CD96: variants seen among roughly 807,000 people sequenced by gnomAD.
CD96 encodes CD96 molecule, also known as T-cell surface protein tactile.
Under a neutral mutation model 71.3 loss-of-function variants are expected in CD96, and 70 were observed. That is an observed-to-expected ratio of 0.98 (90% CI 0.81 to 1.20). The LOEUF is 1.20. CD96 is among the 50% of genes most tolerant of loss of function. The pLI is 0.00. For missense variants in CD96, 742 were observed against 677.5 expected (o/e 1.10, Z -1.06); for synonymous variants, 248 against 233.0 (o/e 1.06, Z -0.59).
chr3:111,602,531 T>G (rs17202782), intron 7 of CD96, among the ~76,000 whole-genome samples: 4,865 of 152,306 alleles, frequency 0.032, 120 homozygotes, highest in South Asian at 0.081. Context: ...CTCAAAATTA[T>G]AGCTTACATT....
At chr3:111,622,564 AT>A (rs1209577651) in intron 8 of CD96, among the ~76,000 whole-genome samples, 7 of 152,194 alleles carry the variant, frequency 4.6e-5, no homozygotes, top group Non-Finnish European at 8.8e-5. Flanking sequence ...TATTCATTTG[AT>A]TTGATTGCCC....
In CD96 at chr3:111,600,767, T is replaced by G; in HGVS notation, c.940T>G (p.Phe314Val). The G allele has an allele frequency of 6.2e-7, 1 of 1,613,350 alleles. No individual in the cohort carries two copies. Among genetic ancestry groups the G allele is most frequent in the South Asian group, 1.1e-5 (1 of 91,072 alleles). Residue 314 changes from phenylalanine (F) to valine (V), a missense_variant, in exon 7 of 14, where the codon TTT (phenylalanine) becomes GTT (valine). Phe to Val is a conservative substitution (Grantham distance 50). Coordinates refer to ENST00000352690, the MANE Select transcript of CD96 (RefSeq NM_005816.5). The part of the protein sequence containing the change: ...TNEERKGKDG[F>V]LELKSVLTRV... The stretch of plus-strand genomic sequence containing the variant: ...TGAAGAGAGAAAAGGCAAAGATGGA[T>G]TTTTGGAACTGAAGTCTGTTTTAAC...
chr3:111,557,522 G>T (rs1935130025), intron 2 of CD96, among the ~76,000 whole-genome samples: 1 of 129,254 alleles, frequency 7.7e-6, no homozygotes, highest in Non-Finnish European at 1.6e-5. Flanking sequence ...TTGTAGGTAT[G>T]CGGCGTTAAT....
Position 111,559,163 on chromosome 3 carries a change from T to C in CD96, c.419-8360T>C, listed in dbSNP as rs1935248245. 2.6e-5 allele frequency among the ~76,000 whole-genome samples: 4 copies of C among 150,960 alleles called. No homozygotes were observed. In the South Asian group the frequency reaches 8.6e-4, roughly 32 times the overall value. ...TTGATCCTTTCAAAAAACCAGCTCC[T>C]GGATTCATTGATTTTTTGAATGGTT... On this transcript the variant is annotated intron_variant, in intron 2 of 13. Transcript: ENST00000352690.
At chr3:111,564,114 C>A (rs775109429) in intron 2 of CD96, among the ~76,000 whole-genome samples, 11 of 152,090 alleles carry the variant, frequency 7.2e-5, no homozygotes, top group Non-Finnish European at 1.5e-4. Flanking sequence ...TTAAAGTTGT[C>A]CATTCTGGGT....
intron 8 of CD96, among the ~76,000 whole-genome samples, chr3:111,620,877 C>T (rs191703617): frequency 1.3e-5 from 2 of 152,178 alleles, no homozygotes; most frequent in African/African-American, 4.8e-5. Flanking sequence ...TAGGTAGAAT[C>T]AAATGAGTGA....
At chr3:111,548,315 GC>G (rs1364092653) in intron 2 of CD96, among the ~76,000 whole-genome samples, 2 of 152,124 alleles carry the variant, frequency 1.3e-5, no homozygotes, top group Non-Finnish European at 2.9e-5. Flanking sequence ...TTCCCCAAGG[GC>G]CTAGCTGTGA....
chr3:111,567,505 C>A lies in CD96; in HGVS notation c.419-18C>A, dbSNP rs1247424908. 1.2e-6 allele frequency: 2 copies of A among 1,600,412 alleles called. No individual in the cohort carries two copies. Among genetic ancestry groups the A allele is most frequent in the African/African-American group, 2.7e-5 (2 of 74,610 alleles). ...CAATCAGAGATTCACATATTTTCTA[C>A]CTTATGTTTTGTTACAGTTACAGCA... is the stretch of plus-strand genomic sequence containing the variant. On this transcript the variant is annotated intron_variant, in intron 2 of 13. Transcript: ENST00000352690.
At chr3:111,601,817 G>A (rs1176796564) in intron 7 of CD96, among the ~76,000 whole-genome samples, 3 of 152,140 alleles carry the variant, frequency 2.0e-5, no homozygotes, top group South Asian at 2.1e-4. Context: ...GGCACAACCC[G>A]CATCTTGGGT....
chr3:111,602,874 G>C lies in CD96; in HGVS notation c.1087+1960G>C, dbSNP rs192840356. 4.3e-4 allele frequency among the ~76,000 whole-genome samples: 65 copies of C among 152,336 alleles called. 1 individual carries two copies. In the East Asian group the frequency reaches 0.012, roughly 27 times the overall value. On this transcript the variant is annotated intron_variant, in intron 7 of 13. Coordinates refer to ENST00000352690, the MANE Select transcript of CD96 (RefSeq NM_005816.5). ...ACACATCAGGAAAGAGTTTTAGTGA[G>C]ACAAGGGGAGAAGTTTTGCTCTCTT...
At chr3:111,606,155 G>C (rs1205328295) in intron 7 of CD96, among the ~76,000 whole-genome samples, 1 of 152,020 alleles carries the variant, frequency 6.6e-6, no homozygotes, top group African/African-American at 2.4e-5. Flanking sequence ...AAAAGTTGTA[G>C]CCAAACAAAA....
intron 6 of CD96, among the ~76,000 whole-genome samples, chr3:111,600,020 A>G (rs946145557): frequency 2.0e-5 from 3 of 152,264 alleles, no homozygotes; most frequent in Non-Finnish European, 4.4e-5. Context: ...AGTTTAAAAC[A>G]GAGTTTGATT....
At chr3:111,653,734 A>G (rs1010958531), downstream of CD96, among the ~76,000 whole-genome samples, 2 of 152,180 alleles carry the variant, frequency 1.3e-5, no homozygotes, top group African/African-American at 4.8e-5. Context: ...ACTATAGACA[A>G]GAGCTGCTGC....
At chr3:111,591,406 C>A (rs1304021408) in intron 5 of CD96, among the ~76,000 whole-genome samples, 1 of 143,200 alleles carries the variant, frequency 7.0e-6, no homozygotes, top group Non-Finnish European at 1.5e-5. Context: ...GACACCAGAA[C>A]CTAAATACCA....
intron 7 of CD96, among the ~76,000 whole-genome samples, chr3:111,601,660 G>A (rs916974616): frequency 8.5e-5 from 13 of 152,090 alleles, no homozygotes; most frequent in African/African-American, 2.7e-4. Context: ...CTTATAAAAC[G>A]TAAATAGATT....
chr3:111,639,263 A>G (rs1050653659), intron 12 of CD96, among the ~76,000 whole-genome samples: 1 of 152,186 alleles, frequency 6.6e-6, no homozygotes, highest in African/African-American at 2.4e-5. Flanking sequence ...ACCTGGAGAC[A>G]GACTCGGGGC....
At chr3:111,633,502 T>G (rs573284576) in intron 10 of CD96, among the ~76,000 whole-genome samples, 5 of 152,036 alleles carry the variant, frequency 3.3e-5, no homozygotes, top group Admixed American at 3.3e-4. Flanking sequence ...AAGCTACAAT[T>G]TGTAAAAAAA....
At chr3:111,624,538 G>T in intron 10 of CD96, 134 bp downstream of exon 10, 1 of 688,898 alleles carries the variant, frequency 1.5e-6, no homozygotes, top group East Asian at 2.7e-5. Flanking sequence ...CATGTTTAAA[G>T]TATTGTTGTA....
rs200746113 is a variant in CD96 at position 111,598,957 on chromosome 3, T to TTTTTATTTTA, written c.898+767_898+776dup. Among the ~76,000 whole-genome samples the TTTTTATTTTA allele has an allele frequency of 4.5e-3, 685 of 151,584 alleles. 5 individuals carry two copies. Among genetic ancestry groups the TTTTTATTTTA allele is most frequent in the African/African-American group, 0.016 (639 of 40,974 alleles). On this transcript the variant is annotated intron_variant, in intron 6 of 13. Transcript: ENST00000352690. ...GAGTCACACAACTCTTTCTGAATTATTTTTATTTTATTTTATTTTATTTTA... is the reference window on the plus strand; with the variant it reads ...GAGTCACACAACTCTTTCTGAATTATTTTTATTTTATTTTATTTTATTTTATTTTATTTTA...
Sources: gnomAD v4.1 joint callset for allele counts (sites outside exome capture counted in the v4.1 genomes callset) on GRCh38, gnomAD v4.1.1 for gene constraint, MANE v1.5 for transcripts, NCBI Gene and HGNC (gene_info 2026-07-23, HGNC 2026-07-21) for gene names.